Variants in EMC3 observed in about 807,000 individuals in gnomAD.
EMC3 encodes 30 kDa protein.
A neutral mutation model predicts 36.6 loss-of-function variants in EMC3; 13 were observed. The observed-to-expected ratio is 0.35, with a 90% CI of 0.23 to 0.56. The LOEUF (loss-of-function observed/expected upper bound fraction) is 0.56. Ranked by LOEUF, EMC3 falls within the 20% of genes least tolerant of loss-of-function variation. The pLI is 0.84. For missense variants in EMC3, 220 were observed against 324.5 expected, an observed-to-expected ratio of 0.68 and a Z score of 2.47; for synonymous variants, 120 against 111.9, an observed-to-expected ratio of 1.07 and a Z score of -0.46.
At chr3:9,985,937 G>A (rs2085966570) in intron 1 of EMC3, among the ~76,000 whole-genome samples, 1 of 152,148 alleles carries the variant, frequency 6.6e-6, no homozygotes, top group Admixed American at 6.6e-5. Context: ...ATACTGCAAT[G>A]AAATATGTGA....
intron 1 of EMC3, among the ~76,000 whole-genome samples, chr3:9,978,590 G>C (rs192794851): frequency 1.3e-5 from 2 of 152,224 alleles, no homozygotes; most frequent in African/African-American, 4.8e-5. Context: ...CCAGCACTTT[G>C]GGAGGCCGAG....
At position 9,976,757 on chromosome 3, in the gene EMC3, T is replaced by C. The variant is rs566801011; in HGVS notation, c.307+200A>G. Among the ~76,000 whole-genome samples the C allele has an allele frequency of 7.2e-5, 11 of 152,194 alleles. No individual in the cohort carries two copies. The South Asian group carries it at 1.2e-3, about 17-fold the overall frequency. On this transcript the variant is annotated intron_variant, in intron 3 of 7. Transcript: ENST00000245046. ...TATTTTTTTTAATCCACTTTATACATTGGGGTTCTCAGAAAATCTAACTGA... is the reference window on the plus strand; with the variant it reads ...TATTTTTTTTAATCCACTTTATACACTGGGGTTCTCAGAAAATCTAACTGA...
intron 5 of EMC3, 76 bp downstream of exon 5, chr3:9,973,552 T>C (rs925907637): frequency 9.6e-6 from 13 of 1,360,672 alleles, no homozygotes; most frequent in Non-Finnish European, 9.5e-6. Context: ...CTCAAACTCA[T>C]GGGCTCAAGT....
chr3:9,993,502 G>A (rs1443005225), intron 1 of EMC3, among the ~76,000 whole-genome samples: 1 of 152,108 alleles, frequency 6.6e-6, no homozygotes, highest in Non-Finnish European at 1.5e-5. Flanking sequence ...TTTATATTTA[G>A]GAATAGATTT....
intron 1 of EMC3, among the ~76,000 whole-genome samples, chr3:9,983,547 C>A (rs184191880): frequency 6.6e-6 from 1 of 151,996 alleles, no homozygotes; most frequent in Non-Finnish European, 1.5e-5. Context: ...TGGCGCATGC[C>A]GCTAATCGCA....
At chr3:9,967,448 C>T (rs1356140187) in intron 7 of EMC3, among the ~76,000 whole-genome samples, 1 of 152,214 alleles carries the variant, frequency 6.6e-6, no homozygotes. Context: ...TTTCCCAGCA[C>T]CATTCGTTGA....
At chr3:9,966,629 G>C (rs1448674454) in intron 7 of EMC3, among the ~76,000 whole-genome samples, 1 of 150,428 alleles carries the variant, frequency 6.6e-6, no homozygotes, top group African/African-American at 2.5e-5. Flanking sequence ...CTCTGCATCT[G>C]CAATGGTGGA....
At chr3:9,988,845 G>A (rs2124923351), upstream of EMC3, 4 of 816,782 alleles carry the variant, frequency 4.9e-6, no homozygotes, top group Non-Finnish European at 8.1e-6. Flanking sequence ...CCTCCCTCCA[G>A]TCACTCTTCT....
chr3:9,967,610 TTAC>T (rs765058064), intron 7 of EMC3, among the ~76,000 whole-genome samples: 182 of 152,356 alleles, frequency 1.2e-3, no homozygotes, highest in Non-Finnish European at 2.3e-3. Flanking sequence ...GCAGTTTTGA[TTAC>T]TACAGCTTTG....
At chr3:10,003,074 C>G in intron 1 of EMC3, 1 of 456,726 alleles carries the variant, frequency 2.2e-6, no homozygotes, top group South Asian at 1.5e-5. Context: ...GTGGCCTACC[C>G]CTATACCCAG....
rs1235572368 is a variant in EMC3 at position 9,964,345 on chromosome 3, GC to G, written c.658-149del. 6 of 1,337,410 alleles carry G rather than the reference GC, an allele frequency of 4.5e-6. No individual in the cohort carries two copies. The African/African-American group carries it at 5.9e-5, about 13-fold the overall frequency. 82.8% of individuals were successfully genotyped at this position (1,337,410 alleles called of 1,614,324 possible). On this transcript the variant is annotated intron_variant, in intron 7 of 7. Coordinates refer to ENST00000245046, the MANE Select transcript of EMC3 (RefSeq NM_001394674.1). ...CATTCAATCCTACAAGGGAAATGCT[GC>G]TACCCCAATCCTCTCCTCCCCCTCT... is the stretch of plus-strand genomic sequence containing the variant.
chr3:9,987,967 C>G, upstream of EMC3: 1 of 996,920 alleles, frequency 1.0e-6, no homozygotes, highest in Non-Finnish European at 1.6e-6. Flanking sequence ...ATCACTGTTG[C>G]AGGCTTTCCA....
At chr3:10,008,673 A>C in intron 1 of EMC3, 1 of 357,746 alleles carries the variant, frequency 2.8e-6, no homozygotes, top group Non-Finnish European at 5.6e-6. Flanking sequence ...ACAGATGGCA[A>C]AGATTTGCTG....
At chr3:9,980,368 A>AT (rs112044792) in intron 1 of EMC3, among the ~76,000 whole-genome samples, 32,401 of 141,018 alleles carry the variant, frequency 0.23, 4,073 homozygotes, top group African/African-American at 0.35. Flanking sequence ...CTAATGAAGG[A>AT]TTTTTTTTTT....
chr3:10,004,778 G>T, intron 1 of EMC3: 1 of 152,440 alleles, frequency 6.6e-6, no homozygotes. Context: ...TGGGTAGATG[G>T]GCAGGGAGGG....
Position 9,982,415 on chromosome 3 carries a change from G to A in EMC3, c.155+4092C>T, listed in dbSNP as rs571866185. 1.9e-4 allele frequency among the ~76,000 whole-genome samples: 29 copies of A among 151,864 alleles called. No homozygotes were observed. In the South Asian group the frequency reaches 5.6e-3, roughly 29 times the overall value. ...ATTACAGGCGCGTCCCACCATGCTCGGGTTATTTTTTGTATTTCTAGTAGA... is the reference window on the plus strand; with the variant it reads ...ATTACAGGCGCGTCCCACCATGCTCAGGTTATTTTTTGTATTTCTAGTAGA... On this transcript the variant is annotated intron_variant, in intron 1 of 7. Coordinates refer to ENST00000245046, the MANE Select transcript of EMC3 (RefSeq NM_001394674.1).
intron 7 of EMC3, 42 bp downstream of exon 7, chr3:9,969,677 T>C (rs755742513): frequency 6.2e-7 from 1 of 1,614,056 alleles, no homozygotes; most frequent in Non-Finnish European, 8.5e-7. Flanking sequence ...TGGTAACACC[T>C]TTCAGAGCAT....
At chr3:9,967,617 A>G (rs1575672319) in intron 7 of EMC3, among the ~76,000 whole-genome samples, 1 of 152,150 alleles carries the variant, frequency 6.6e-6, no homozygotes, top group Non-Finnish European at 1.5e-5. Flanking sequence ...TGATTACTAC[A>G]GCTTTGTAAT....
chr3:9,968,307 A>G (rs960689017), intron 7 of EMC3, among the ~76,000 whole-genome samples: 6 of 152,166 alleles, frequency 3.9e-5, no homozygotes, highest in Non-Finnish European at 8.8e-5. Flanking sequence ...TTCATTTCCA[A>G]TTCTTCATTA....
Sources: gnomAD v4.1 joint callset for allele counts (sites outside exome capture counted in the v4.1 genomes callset) on GRCh38, gnomAD v4.1.1 for gene constraint, MANE v1.5 for transcripts, NCBI Gene and HGNC (gene_info 2026-07-23, HGNC 2026-07-21) for gene names.